The following SCFD2 variants were observed in gnomAD, a reference collection of about 807,000 sequenced individuals.
SCFD2 encodes the protein sec1 family domain containing 2, also known as sec1 family domain-containing protein 2.
A neutral mutation model predicts 58.9 loss-of-function variants in SCFD2; 54 were observed. The ratio of observed to expected loss-of-function variants is 0.92; its 90% CI spans 0.74 to 1.15. The LOEUF (loss-of-function observed/expected upper bound fraction) is 1.15, where lower values mean the gene tolerates loss of function less well. SCFD2 is among the 50% of genes most tolerant of loss of function. The pLI is 0.00. For missense variants in SCFD2, 805 were observed against 836.6 expected (o/e 0.96, Z 0.47); for synonymous variants, 321 against 335.9 (o/e 0.96, Z 0.49).
chr4:53,258,538 G>GTGTATATATATATATATATA (rs1360142906), intron 4 of SCFD2, among the ~76,000 whole-genome samples: 1 of 119,950 alleles, frequency 8.3e-6, no homozygotes, highest in Non-Finnish European at 1.7e-5. Context: ...TGGTGTGTGT[G>GTGTATATATATATATATATA]TATATATATA....
intron 5 of SCFD2, among the ~76,000 whole-genome samples, chr4:52,961,181 C>T (rs1012756189): frequency 5.3e-5 from 8 of 152,292 alleles, no homozygotes; most frequent in Middle Eastern, 3.4e-3. Flanking sequence ...CATCTGGCCA[C>T]GGTGAGGGCT....
rs11432484 is a variant in SCFD2, at chr4:52,986,229, GT to G, written c.1562-65360del. On this transcript the variant is annotated intron_variant, in intron 5 of 8. Transcript: ENST00000401642. Reference sequence around the variant, plus strand: ...AATTTAGAGGGGAAAAAAGGGTAAAGTTTTTTTTTTAATAGTCATCGAGTAT... The same window carrying G: ...AATTTAGAGGGGAAAAAAGGGTAAAGTTTTTTTTTAATAGTCATCGAGTAT... 5.6e-3 allele frequency among the ~76,000 whole-genome samples: 843 copies of G among 149,892 alleles called. 10 individuals carry two copies. Among genetic ancestry groups the G allele is most frequent in the South Asian group, 0.047 (221 of 4,718 alleles).
chr4:52,953,880 A>AT (rs1720654453), intron 5 of SCFD2, among the ~76,000 whole-genome samples: 1 of 152,222 alleles, frequency 6.6e-6, no homozygotes, highest in Non-Finnish European at 1.5e-5. Context: ...GCACTTGTTG[A>AT]TTCTTGTTTG....
At chr4:52,984,666 G>A (rs1721449104) in intron 5 of SCFD2, among the ~76,000 whole-genome samples, 3 of 152,326 alleles carry the variant, frequency 2.0e-5, no homozygotes, top group Non-Finnish European at 2.9e-5. Flanking sequence ...TCTTCTTGTT[G>A]AATCATCAAC....
chr4:53,324,949 G>A (rs778648715), intron 2 of SCFD2, among the ~76,000 whole-genome samples: 3 of 152,112 alleles, frequency 2.0e-5, no homozygotes, highest in Admixed American at 1.3e-4. Flanking sequence ...ATAAGGCCTA[G>A]GAAAGTAGAT....
At position 52,920,829 on chromosome 4, in the gene SCFD2, T is replaced by A; in HGVS notation, c.1603A>T (p.Ile535Phe). 6.2e-7 allele frequency: 1 copy of A among 1,611,614 alleles called. No individual in the cohort carries two copies. The highest frequency in any genetic ancestry group is 8.5e-7 in the Non-Finnish European group (1 of 1,178,378). ...GAAGTAAAGAGTTCATCCACGGCAA[T>A]TTTGGATTTGTGAAATGTCAGATTA... ...SINLTFHKSK[I>F]AVDELFTSLR... The change falls in exon 6 of 9, where the codon ATT becomes TTT. Residue 535 changes from isoleucine to phenylalanine, a missense_variant. By Grantham distance (21) the Ile-to-Phe change is conservative. Around this residue, in one of 3 missense-constraint regions of SCFD2, gnomAD observed 633 missense variants for 646.8 expected, o/e 0.98. Coordinates refer to ENST00000401642, the MANE Select transcript of SCFD2 (RefSeq NM_152540.4).
chr4:52,938,940 G>A (rs1720215139), intron 5 of SCFD2, among the ~76,000 whole-genome samples: 1 of 152,108 alleles, frequency 6.6e-6, no homozygotes, highest in South Asian at 2.1e-4. Flanking sequence ...TGAGTGGCAG[G>A]GACATGTGCC....
At chr4:53,332,000 A>G (rs1388879016) in intron 2 of SCFD2, among the ~76,000 whole-genome samples, 2 of 152,226 alleles carry the variant, frequency 1.3e-5, no homozygotes, top group East Asian at 3.8e-4. Context: ...AATCTAGAAG[A>G]AATGGATAAA....
At chr4:53,252,743 A>T (rs1410780154) in intron 4 of SCFD2, among the ~76,000 whole-genome samples, 1 of 152,184 alleles carries the variant, frequency 6.6e-6, no homozygotes, top group Non-Finnish European at 1.5e-5. Context: ...TTCAAGATGG[A>T]TTATTAAAGA....
Position 53,365,971 on chromosome 4 carries a change from C to A in SCFD2, c.-30G>T, listed in dbSNP as rs763164489. The A allele has an allele frequency of 4.0e-6, 6 of 1,510,800 alleles. No homozygotes were observed. The highest frequency in any genetic ancestry group is 4.4e-6 in the Non-Finnish European group (5 of 1,137,012). The allele number at this position is 1,510,800 out of a possible 1,614,324, so 93.6% of individuals were successfully genotyped here. ...GGGGATTCGCAGACTTGGGAAACTA[C>A]GGTGCAGGAACTTCTTTCAGAACTC... On this transcript the variant is annotated 5_prime_UTR_variant, in exon 1 of 9. Transcript: ENST00000401642. The surrounding 1 kb of genome is among the most constrained non-coding windows in gnomAD (Gnocchi z 4.3).
intron 3 of SCFD2, among the ~76,000 whole-genome samples, chr4:53,287,051 C>G (rs941028995): frequency 5.9e-5 from 9 of 152,142 alleles, no homozygotes; most frequent in African/African-American, 2.2e-4. Context: ...GGTGCCATGA[C>G]AGCTCTGTGC....
chr4:53,250,365 C>T (rs1248763075), intron 4 of SCFD2, among the ~76,000 whole-genome samples: 13 of 152,104 alleles, frequency 8.5e-5, no homozygotes, highest in Admixed American at 1.3e-4. Context: ...GACTTTAACA[C>T]CCCACTGTCA....
chr4:53,276,159 C>A (rs1296468892), intron 3 of SCFD2, among the ~76,000 whole-genome samples: 1 of 151,490 alleles, frequency 6.6e-6, no homozygotes, highest in East Asian at 1.9e-4. Context: ...TTTTATCACT[C>A]TTATCAAACA....
chr4:52,875,010 A>G (rs1410440821), intron 8 of SCFD2, among the ~76,000 whole-genome samples: 2 of 152,184 alleles, frequency 1.3e-5, no homozygotes, highest in Non-Finnish European at 2.9e-5. Context: ...CCTGATATTG[A>G]GCTTATGAAA....
At chr4:53,360,534 T>C (rs1401890259) in intron 1 of SCFD2, among the ~76,000 whole-genome samples, 1 of 152,204 alleles carries the variant, frequency 6.6e-6, no homozygotes, top group East Asian at 1.9e-4. Context: ...GCAAATACAC[T>C]GGGCCCTGGC....
intron 3 of SCFD2, among the ~76,000 whole-genome samples, chr4:53,279,895 C>A (rs1731452798): frequency 6.6e-6 from 1 of 152,158 alleles, no homozygotes; most frequent in African/African-American, 2.4e-5. Flanking sequence ...CTCACTATCA[C>A]CAGTACAGCA....
At chr4:53,131,260 A>G (rs1725778608) in intron 5 of SCFD2, among the ~76,000 whole-genome samples, 1 of 152,256 alleles carries the variant, frequency 6.6e-6, no homozygotes, top group South Asian at 2.1e-4. Context: ...ATATTTAAGA[A>G]TGTTGCCTGG....
At chr4:52,941,405 T>G (rs1054231756) in intron 5 of SCFD2, among the ~76,000 whole-genome samples, 1 of 152,216 alleles carries the variant, frequency 6.6e-6, no homozygotes, top group Non-Finnish European at 1.5e-5. Flanking sequence ...TATTTCTGCT[T>G]CTTTTGGTGG....
intron 5 of SCFD2, among the ~76,000 whole-genome samples, chr4:52,969,615 G>T (rs1030416242): frequency 6.6e-6 from 1 of 152,176 alleles, no homozygotes; most frequent in Non-Finnish European, 1.5e-5. Context: ...TTAAGAGGCT[G>T]TTTGTAATTT....
Sources: gnomAD v4.1 joint callset for allele counts (sites outside exome capture counted in the v4.1 genomes callset) on GRCh38, gnomAD v4.1.1 for gene constraint, gnomAD v4.1.1 regional missense constraint, Gnocchi (gnomAD v3.1) non-coding constraint, MANE v1.5 for transcripts, NCBI Gene and HGNC (gene_info 2026-07-23, HGNC 2026-07-21) for gene names.